Variants in FAM227B observed in about 807,000 individuals in gnomAD.
FAM227B encodes the protein family with sequence similarity 227 member B.
Under a neutral mutation model 73.8 loss-of-function variants are expected in FAM227B, and 88 were observed. The ratio of observed to expected loss-of-function variants is 1.19; its 90% CI spans 1.00 to 1.42. FAM227B has a LOEUF of 1.42. Ranked by LOEUF, FAM227B falls within the 40% of genes most tolerant of loss-of-function variation. The probability of loss-of-function intolerance (pLI) is 0.00; values close to 1 mark genes in which losing one functional copy is unlikely to be tolerated. For missense variants in FAM227B, 632 were observed against 590.9 expected, an observed-to-expected ratio of 1.07 and a Z score of -0.72; for synonymous variants, 210 against 190.5, an observed-to-expected ratio of 1.10 and a Z score of -0.84.
At chr15:49,588,752 G>T (rs2076347547) in intron 4 of FAM227B, among the ~76,000 whole-genome samples, 1 of 150,280 alleles carries the variant, frequency 6.7e-6, no homozygotes, top group Admixed American at 6.6e-5. Flanking sequence ...ATATATGTGT[G>T]TGTATTTATA....
intron 11 of FAM227B, among the ~76,000 whole-genome samples, chr15:49,464,580 T>G (rs2054097124): frequency 6.6e-6 from 1 of 152,222 alleles, no homozygotes; most frequent in African/African-American, 2.4e-5. Flanking sequence ...TATTGAATTT[T>G]GTAATAAAAT....
intron 11 of FAM227B, chr15:49,396,150 G>A (rs1015248255): frequency 6.4e-5 from 23 of 360,572 alleles, no homozygotes; most frequent in African/African-American, 1.1e-4. Flanking sequence ...CACCGTGTGC[G>A]AGCCGAAGCA....
At chr15:49,471,195 C>A (rs2054708791) in intron 11 of FAM227B, among the ~76,000 whole-genome samples, 1 of 151,980 alleles carries the variant, frequency 6.6e-6, no homozygotes, top group South Asian at 2.1e-4. Flanking sequence ...AAGAATATGG[C>A]AAATGTGAGG....
chr15:49,409,676 T>A (rs1332608351), intron 11 of FAM227B, among the ~76,000 whole-genome samples: 1 of 152,044 alleles, frequency 6.6e-6, no homozygotes, highest in Admixed American at 6.6e-5. Context: ...AAACTATCTC[T>A]CGTTTAACTT....
At chr15:49,472,113 CT>C (rs1483053712) in intron 11 of FAM227B, among the ~76,000 whole-genome samples, 1 of 151,406 alleles carries the variant, frequency 6.6e-6, no homozygotes, top group East Asian at 1.9e-4. Context: ...CTTAGAATAA[CT>C]GAAAAAATAG....
intron 11 of FAM227B, among the ~76,000 whole-genome samples, chr15:49,441,448 T>C (rs934653550): frequency 4.0e-5 from 6 of 151,732 alleles, no homozygotes; most frequent in Non-Finnish European, 8.8e-5. Context: ...AGACATTAAA[T>C]GCTAAATCAT....
intron 10 of FAM227B, among the ~76,000 whole-genome samples, chr15:49,540,499 TTG>T (rs1212934534): frequency 1.3e-5 from 2 of 152,130 alleles, no homozygotes; most frequent in Admixed American, 6.5e-5. Flanking sequence ...TCTAATTATT[TTG>T]TGTGTGTGTG....
At chr15:49,342,372 T>G (rs1459786648) in intron 13 of FAM227B, among the ~76,000 whole-genome samples, 1 of 152,192 alleles carries the variant, frequency 6.6e-6, no homozygotes, top group African/African-American at 2.4e-5. Context: ...GTTTTCCATT[T>G]ATGTGATAGA....
rs1443437835 is a variant in FAM227B, at chr15:49,416,139, A to ACCCCACC, written c.1013-44747_1013-44741dup. Among the ~76,000 whole-genome samples the ACCCCACC allele has an allele frequency of 9.1e-5, 11 of 121,172 alleles. 1 individual carries two copies. Among genetic ancestry groups the ACCCCACC allele is most frequent in the Non-Finnish European group, 1.9e-4 (11 of 57,308 alleles). 79.5% of individuals were successfully genotyped at this position (121,172 alleles called of 152,430 possible). On this transcript the variant is annotated intron_variant, in intron 11 of 15. Coordinates refer to ENST00000299338, the MANE Select transcript of FAM227B (RefSeq NM_152647.3). The stretch of plus-strand genomic sequence containing the variant: ...CAGTTCTTGGAACACACCAAGATCC[A>ACCCCACC]CCCCACCCCCCACCCCCCACCAATC...
chr15:49,504,405 C>T lies in FAM227B; in HGVS notation c.1012+3806G>A, dbSNP rs184173354. Among the ~76,000 whole-genome samples, 151 of 131,664 alleles carry T rather than the reference C, an allele frequency of 1.1e-3. 1 individual carries two copies. Among genetic ancestry groups the T allele is most frequent in the African/African-American group, 4.1e-3 (149 of 35,944 alleles). The allele number at this position is 131,664 out of a possible 152,430, so 86.4% of individuals were successfully genotyped here. ...CAAACCTGCACGTTGTGCACATGTA[C>T]CCTAAAACTTAAAGTATAATAAAAA... is the stretch of plus-strand genomic sequence containing the variant. On this transcript the variant is annotated intron_variant, in intron 11 of 15. Coordinates refer to ENST00000299338, the MANE Select transcript of FAM227B (RefSeq NM_152647.3).
chr15:49,365,333 G>A, intron 13 of FAM227B: 28 of 1,568,310 alleles, frequency 1.8e-5, no homozygotes, highest in Non-Finnish European at 2.5e-5. Flanking sequence ...AACAACAAAT[G>A]TAAGTATCAT....
At chr15:49,390,348 A>C (rs1311365066) in intron 11 of FAM227B, among the ~76,000 whole-genome samples, 2 of 152,028 alleles carry the variant, frequency 1.3e-5, no homozygotes, top group African/African-American at 4.8e-5. Flanking sequence ...AGCCACTAAG[A>C]TTTTACTAAT....
chr15:49,448,090 A>C (rs1204597620), intron 11 of FAM227B, among the ~76,000 whole-genome samples: 3 of 151,754 alleles, frequency 2.0e-5, no homozygotes, highest in Non-Finnish European at 4.4e-5. Context: ...GAACTTCAAA[A>C]GACAGAAATA....
Position 49,363,763 on chromosome 15 carries a change from C to T in FAM227B, c.1271+3685G>A, listed in dbSNP as rs1235589335. ...TTTGCTGTGGGTTTGTCATAGATGG[C>T]TCTTATTATTTTGAAGTATGTTCCT... On this transcript the variant is annotated intron_variant, in intron 13 of 15. Transcript: ENST00000299338. 2.0e-5 allele frequency among the ~76,000 whole-genome samples: 3 copies of T among 152,098 alleles called. No homozygotes were observed. In the East Asian group the frequency reaches 5.8e-4, roughly 29 times the overall value.
chr15:49,531,166 A>T (rs924486281), intron 10 of FAM227B, among the ~76,000 whole-genome samples: 3 of 151,884 alleles, frequency 2.0e-5, no homozygotes, highest in African/African-American at 7.2e-5. Flanking sequence ...CTTAGGTAAA[A>T]ATACAAACCA....
At chr15:49,512,481 T>A (rs1213217952) in intron 10 of FAM227B, among the ~76,000 whole-genome samples, 1 of 152,134 alleles carries the variant, frequency 6.6e-6, no homozygotes, top group East Asian at 1.9e-4. Context: ...TTACCCACAA[T>A]CTTCCAGAAT....
At chr15:49,510,136 C>T (rs1056696808) in intron 10 of FAM227B, among the ~76,000 whole-genome samples, 18 of 152,100 alleles carry the variant, frequency 1.2e-4, no homozygotes, top group Admixed American at 9.8e-4. Flanking sequence ...TGACGTCCAA[C>T]TAGGGAAGAT....
intron 11 of FAM227B, among the ~76,000 whole-genome samples, chr15:49,416,248 C>T (rs1428533396): frequency 6.7e-6 from 1 of 149,970 alleles, no homozygotes; most frequent in Non-Finnish European, 1.5e-5. Flanking sequence ...ATTGTATCTC[C>T]AAAAGGCCAG....
intron 3 of FAM227B, among the ~76,000 whole-genome samples, chr15:49,593,405 CT>C (rs1470571015): frequency 1.3e-5 from 2 of 152,122 alleles, no homozygotes; most frequent in East Asian, 3.9e-4. Flanking sequence ...ATTTTTTTTG[CT>C]GTCAGAATCT....
Sources: gnomAD v4.1 joint callset for allele counts (sites outside exome capture counted in the v4.1 genomes callset) on GRCh38, gnomAD v4.1.1 for gene constraint, MANE v1.5 for transcripts, NCBI Gene and HGNC (gene_info 2026-07-23, HGNC 2026-07-21) for gene names.